ZC3H12A: variants seen among roughly 807,000 people sequenced by gnomAD.
The protein encoded by ZC3H12A is endoribonuclease ZC3H12A.
A neutral mutation model predicts 29.9 loss-of-function variants in ZC3H12A; 9 were observed. The ratio of observed to expected loss-of-function variants is 0.30; its 90% CI spans 0.18 to 0.53. The LOEUF (loss-of-function observed/expected upper bound fraction) is 0.53, where lower values mean the gene tolerates loss of function less well. Among genes scored for constraint, ZC3H12A ranks in the 20% least tolerant of loss-of-function variants. The pLI, the probability that ZC3H12A is intolerant of heterozygous loss-of-function variation, is 0.96. For synonymous variants in ZC3H12A, 323 were observed against 338.1 expected (o/e 0.96, Z 0.49); for missense variants, 617 against 799.0 (o/e 0.77, Z 2.75).
chr1:37,480,310 TCTC>T lies in ZC3H12A; in HGVS notation c.467_469del (p.Ser156del). 6.2e-7 allele frequency: 1 copy of T among 1,613,854 alleles called. No homozygotes were observed. The highest frequency in any genetic ancestry group is 8.5e-7 in the Non-Finnish European group (1 of 1,179,834). ...CCCAGCCATGGGAACAAGGAGGTCT[TCTC>T]CTGCCGGGGCATCCTGCTGGCAGTG... is the stretch of plus-strand genomic sequence containing the variant. On this transcript the variant is annotated inframe_deletion, in exon 3 of 6. Coordinates refer to ENST00000373087, the MANE Select transcript of ZC3H12A (RefSeq NM_025079.3).
chr1:37,483,687 C>T lies in ZC3H12A; in HGVS notation c.*76C>T. On this transcript the variant is annotated 3_prime_UTR_variant, in exon 6 of 6. Coordinates refer to ENST00000373087, the MANE Select transcript of ZC3H12A (RefSeq NM_025079.3). ...GCTGGGCTTTGGGCCATTGAGCAGCCCATTCCCAGCCCTGAGGCCCACCCC... is the reference window on the plus strand; with the variant it reads ...GCTGGGCTTTGGGCCATTGAGCAGCTCATTCCCAGCCCTGAGGCCCACCCC... 1 of 1,463,746 alleles carries T rather than the reference C, an allele frequency of 6.8e-7. No homozygotes were observed. The highest frequency in any genetic ancestry group is 1.4e-5 in the South Asian group (1 of 72,042). The allele number at this position is 1,463,746 out of a possible 1,614,324, so 90.7% of individuals were successfully genotyped here.
Position 37,484,014 on chromosome 1 carries a change from G to A in ZC3H12A, c.*403G>A, listed in dbSNP as rs916864037. 25 of 179,320 alleles carry A rather than the reference G, an allele frequency of 1.4e-4. No individual in the cohort carries two copies. Among genetic ancestry groups the A allele is most frequent in the African/African-American group, 4.5e-4 (19 of 42,504 alleles). 11.1% of individuals were successfully genotyped at this position (179,320 alleles called of 1,614,324 possible). A position where few individuals can be genotyped will look rare whatever the true frequency, so the allele number is the denominator to read the frequency against. ...CCCACTTCCGCCCTACCCCTGGGAC[G>A]TTGGCCTTGGCTGGCTAGTTGGGCA... On this transcript the variant is annotated 3_prime_UTR_variant, in exon 6 of 6. Transcript: ENST00000373087.
In ZC3H12A at chr1:37,482,917, C is replaced by G. The variant is rs1231225993; in HGVS notation, c.1106C>G (p.Thr369Arg). The G allele has an allele frequency of 6.2e-7, 1 of 1,613,756 alleles. No homozygotes were observed. The highest frequency in any genetic ancestry group is 1.7e-5 in the Admixed American group (1 of 60,020). The change falls in exon 6 of 6, where the codon ACA becomes AGA. Residue 369 changes from threonine (T) to arginine (R), a missense_variant. Thr to Arg is a moderately conservative substitution (Grantham distance 71, BLOSUM62 -1). This residue lies in a region of ZC3H12A where 115 missense variants were observed against 112.5 expected (regional missense o/e 1.02). Coordinates refer to ENST00000373087, the MANE Select transcript of ZC3H12A (RefSeq NM_025079.3). ...TCATCCCAGTCCAGCTCTCTGCTAACAGAGAGTGAGCAGTGCAGCCTGGAT... is the reference window on the plus strand; with the variant it reads ...TCATCCCAGTCCAGCTCTCTGCTAAGAGAGAGTGAGCAGTGCAGCCTGGAT... Reference protein sequence around the residue: ...SPSSQSSSLLTESEQCSLDGK... With the variant: ...SPSSQSSSLLRESEQCSLDGK...
chr1:37,475,355 T>C lies in ZC3H12A; in HGVS notation c.-38-104T>C. The C allele has an allele frequency of 1.2e-6, 1 of 867,530 alleles. No homozygotes were observed. The highest frequency in any genetic ancestry group is 2.4e-5 in the East Asian group (1 of 40,832). The allele number at this position is 867,530 out of a possible 1,614,324, so 53.7% of individuals were successfully genotyped here. ...AGGACAACCTGAACTAATAACACGA[T>C]GCAGTGTGTAGTGCCACCAATCCCT... On this transcript the variant is annotated intron_variant, in intron 1 of 5. Transcript: ENST00000373087. This position sits in a 1 kb window ranked among gnomAD's most constrained non-coding sequence, Gnocchi z 5.2.
At position 37,479,482 on chromosome 1, in the gene ZC3H12A, C is replaced by T; in HGVS notation, c.444-808C>T. 2 of 985,444 alleles carry T rather than the reference C, an allele frequency of 2.0e-6. No individual in the cohort carries two copies. The highest frequency in any genetic ancestry group is 2.4e-6 in the Non-Finnish European group (2 of 829,928). 61.0% of individuals were successfully genotyped at this position (985,444 alleles called of 1,614,324 possible). ...GTCTGAGACCAAGGCAGGGCCCATG[C>T]CTTACTCAGCTGTCCTTGCTAAGAG... On this transcript the variant is annotated intron_variant, in intron 2 of 5. Coordinates refer to ENST00000373087, the MANE Select transcript of ZC3H12A (RefSeq NM_025079.3). This position sits in a 1 kb window ranked among gnomAD's most constrained non-coding sequence, Gnocchi z 4.5.
rs1440408265 is a variant in ZC3H12A, at chr1:37,483,623, C to T, written c.*12C>T. 5 of 1,585,094 alleles carry T rather than the reference C, an allele frequency of 3.2e-6. No homozygotes were observed. Among genetic ancestry groups the T allele is most frequent in the Non-Finnish European group, 4.3e-6 (5 of 1,166,488 alleles). ...ACCCCAGTGAGTAAGCTGCCTGTGG[C>T]TGGCAAGGGCAGCACCCCCAGCCTC... On this transcript the variant is annotated 3_prime_UTR_variant, in exon 6 of 6. Transcript: ENST00000373087.
rs1326983792 is a variant in ZC3H12A at position 37,481,717 on chromosome 1, T to A, written c.700T>A (p.Tyr234Asn). ...YDDRFIVKLA[Y>N]ESDGIVVSND... The stretch of plus-strand genomic sequence containing the variant: ...CGACAGATTCATTGTGAAGCTGGCC[T>A]ACGAGTCTGACGGGATCGTGGTTTC... Residue 234 changes from tyrosine to asparagine, a missense_variant, in exon 4 of 6, where the codon TAC becomes AAC. Around this residue, in one of 5 missense-constraint regions of ZC3H12A, gnomAD observed 255 missense variants for 402.5 expected, o/e 0.63. Transcript: ENST00000373087. The A allele has an allele frequency of 6.2e-7, 1 of 1,614,116 alleles. No individual in the cohort carries two copies. The highest frequency in any genetic ancestry group is 1.7e-5 in the Admixed American group (1 of 60,008).
In ZC3H12A at chr1:37,475,981, C is replaced by T; in HGVS notation, c.443+42C>T. The T allele has an allele frequency of 3.4e-6, 5 of 1,465,756 alleles. No homozygotes were observed. The highest frequency in any genetic ancestry group is 1.8e-4 in the Middle Eastern group (1 of 5,552). The allele number at this position is 1,465,756 out of a possible 1,614,324, so 90.8% of individuals were successfully genotyped here. A position where few individuals can be genotyped will look rare whatever the true frequency, so the allele number is the denominator to read the frequency against. On this transcript the variant is annotated intron_variant, in intron 2 of 5. Coordinates refer to ENST00000373087, the MANE Select transcript of ZC3H12A (RefSeq NM_025079.3). This position sits in a 1 kb window ranked among gnomAD's most constrained non-coding sequence, Gnocchi z 5.2. Reference sequence around the variant, plus strand: ...TGGCCAGGACACATGAGGTTCGCATCTCTCCTGTGGCCAGGACACATGGAA... The same window carrying T: ...TGGCCAGGACACATGAGGTTCGCATTTCTCCTGTGGCCAGGACACATGGAA...
Position 37,475,989 on chromosome 1 carries a change from T to C in ZC3H12A, c.443+50T>C. 1 of 1,448,752 alleles carries C rather than the reference T, an allele frequency of 6.9e-7. No homozygotes were observed. Among genetic ancestry groups the C allele is most frequent in the Non-Finnish European group, 9.1e-7 (1 of 1,100,082 alleles). 89.7% of individuals were successfully genotyped at this position (1,448,752 alleles called of 1,614,324 possible). A position where few individuals can be genotyped will look rare whatever the true frequency, so the allele number is the denominator to read the frequency against. ...ACACATGAGGTTCGCATCTCTCCTG[T>C]GGCCAGGACACATGGAAGGATGACT... On this transcript the variant is annotated intron_variant, in intron 2 of 5. Coordinates refer to ENST00000373087, the MANE Select transcript of ZC3H12A (RefSeq NM_025079.3). The surrounding 1 kb of genome is among the most constrained non-coding windows in gnomAD (Gnocchi z 5.2).
chr1:37,476,063 C>T lies in ZC3H12A; in HGVS notation c.443+124C>T. 4 of 1,086,644 alleles carry T rather than the reference C, an allele frequency of 3.7e-6. No individual in the cohort carries two copies. The highest frequency in any genetic ancestry group is 5.1e-6 in the Non-Finnish European group (4 of 786,344). 67.3% of individuals were successfully genotyped at this position (1,086,644 alleles called of 1,614,324 possible). On this transcript the variant is annotated intron_variant, in intron 2 of 5. Coordinates refer to ENST00000373087, the MANE Select transcript of ZC3H12A (RefSeq NM_025079.3). This position sits in a 1 kb window ranked among gnomAD's most constrained non-coding sequence, Gnocchi z 6.0. ...GAAGAAGTGACTTCCTTCTTAGGGACTGGTCTAGAGGGAGGGAAAGCCTTT... is the reference window on the plus strand; with the variant it reads ...GAAGAAGTGACTTCCTTCTTAGGGATTGGTCTAGAGGGAGGGAAAGCCTTT...
chr1:37,482,687 C>G, intron 5 of ZC3H12A, 50 bp from the exon 6 acceptor site: 1 of 1,612,342 alleles, frequency 6.2e-7, no homozygotes, highest in East Asian at 2.2e-5. Flanking sequence ...TGCTCTCATC[C>G]CTGGTTCTGA....
rs185361322 is a variant in ZC3H12A, at chr1:37,478,274, G to T, written c.444-2016G>T. Among the ~76,000 whole-genome samples, 4 of 152,332 alleles carry T rather than the reference G, an allele frequency of 2.6e-5. No homozygotes were observed. Among genetic ancestry groups the T allele is most frequent in the South Asian group, 2.1e-4 (1 of 4,826 alleles). ...CTCAGAGGCAGTGACATCTCACAAG[G>T]GTTCTGAAGGAAGAGCAGGAGTTTG... On this transcript the variant is annotated intron_variant, in intron 2 of 5. Transcript: ENST00000373087. This position sits in a 1 kb window ranked among gnomAD's most constrained non-coding sequence, Gnocchi z 5.2.
At position 37,482,918 on chromosome 1, in the gene ZC3H12A, AGAGAG is replaced by A; in HGVS notation, c.1108_1112del (p.Glu370Ter). ...CATCCCAGTCCAGCTCTCTGCTAACAGAGAGTGAGCAGTGCAGCCTGGATGGGAAG... is the reference window on the plus strand; with the variant it reads ...CATCCCAGTCCAGCTCTCTGCTAACATGAGCAGTGCAGCCTGGATGGGAAG... On this transcript the variant is annotated frameshift_variant, in exon 6 of 6. Transcript: ENST00000373087. LOFTEE classifies it low-confidence loss of function (END_TRUNC). 1 of 1,613,746 alleles carries A rather than the reference AGAGAG, an allele frequency of 6.2e-7. No homozygotes were observed. Among genetic ancestry groups the A allele is most frequent in the South Asian group, 1.1e-5 (1 of 91,086 alleles).
Position 37,479,457 on chromosome 1 carries a change from G to C in ZC3H12A, c.444-833G>C, listed in dbSNP as rs1395312732. The stretch of plus-strand genomic sequence containing the variant: ...CCACCTGTGGGTGGGGCGCGGCCTC[G>C]TCTGAGACCAAGGCAGGGCCCATGC... On this transcript the variant is annotated intron_variant, in intron 2 of 5. Coordinates refer to ENST00000373087, the MANE Select transcript of ZC3H12A (RefSeq NM_025079.3). The surrounding 1 kb of genome is among the most constrained non-coding windows in gnomAD (Gnocchi z 4.5). 1.4e-5 allele frequency: 14 copies of C among 985,430 alleles called. No individual in the cohort carries two copies. Among genetic ancestry groups the C allele is most frequent in the Non-Finnish European group, 1.7e-5 (14 of 829,924 alleles). 61.0% of individuals were successfully genotyped at this position (985,430 alleles called of 1,614,324 possible).
intron 2 of ZC3H12A, among the ~76,000 whole-genome samples, chr1:37,477,215 G>A (rs745574620): frequency 6.6e-6 from 1 of 152,240 alleles, no homozygotes; most frequent in Non-Finnish European, 1.5e-5. Flanking sequence ...TGGGCTAGGA[G>A]CTAGGTTGGA....
In ZC3H12A at chr1:37,476,973, G is replaced by A. The variant is rs1641604645; in HGVS notation, c.443+1034G>A. Among the ~76,000 whole-genome samples the A allele has an allele frequency of 6.6e-6, 1 of 152,222 alleles. No individual in the cohort carries two copies. Among genetic ancestry groups the A allele is most frequent in the African/African-American group, 2.4e-5 (1 of 41,454 alleles). ...TCAGCCTCTGCCCTCCCTAATTTGT[G>A]GCCCCTGTGGGACAAGTTCACTGTC... On this transcript the variant is annotated intron_variant, in intron 2 of 5. Transcript: ENST00000373087. The surrounding 1 kb of genome is among the most constrained non-coding windows in gnomAD (Gnocchi z 6.0).
chr1:37,483,692 C>T lies in ZC3H12A; in HGVS notation c.*81C>T, dbSNP rs3180364. 3.4e-6 allele frequency: 5 copies of T among 1,457,954 alleles called. No individual in the cohort carries two copies. Among genetic ancestry groups the T allele is most frequent in the Non-Finnish European group, 4.5e-6 (5 of 1,103,140 alleles). The allele number at this position is 1,457,954 out of a possible 1,614,324, so 90.3% of individuals were successfully genotyped here. A position where few individuals can be genotyped will look rare whatever the true frequency, so the allele number is the denominator to read the frequency against. On this transcript the variant is annotated 3_prime_UTR_variant, in exon 6 of 6. Coordinates refer to ENST00000373087, the MANE Select transcript of ZC3H12A (RefSeq NM_025079.3). ...GCTTTGGGCCATTGAGCAGCCCATT[C>T]CCAGCCCTGAGGCCCACCCCAGAGG...
intron 2 of ZC3H12A, among the ~76,000 whole-genome samples, chr1:37,477,100 G>C (rs1379009923): frequency 2.0e-5 from 3 of 152,214 alleles, no homozygotes; most frequent in African/African-American, 7.2e-5. Context: ...GGCTGAGCCT[G>C]GATGGGAGGC....
Position 37,478,408 on chromosome 1 carries a change from A to G in ZC3H12A, c.444-1882A>G, listed in dbSNP as rs1641633362. Among the ~76,000 whole-genome samples, 1 of 152,236 alleles carries G rather than the reference A, an allele frequency of 6.6e-6. No homozygotes were observed. The highest frequency in any genetic ancestry group is 2.1e-4 in the South Asian group (1 of 4,832). ...AAATAAATTCTGGATCTTCTGTTAG[A>G]GACAGGAAGGCAACCGAGTGGCCCA... On this transcript the variant is annotated intron_variant, in intron 2 of 5. Coordinates refer to ENST00000373087, the MANE Select transcript of ZC3H12A (RefSeq NM_025079.3). This position sits in a 1 kb window ranked among gnomAD's most constrained non-coding sequence, Gnocchi z 5.2.
Sources: allele counts gnomAD v4.1 joint callset (sites outside exome capture counted in the v4.1 genomes callset), GRCh38; gene constraint gnomAD v4.1.1; regional missense constraint gnomAD v4.1.1; non-coding constraint Gnocchi (gnomAD v3.1); transcripts MANE v1.5; gene names NCBI Gene and HGNC (gene_info 2026-07-23, HGNC 2026-07-21).